TRIO: variants seen among roughly 807,000 people sequenced by gnomAD.
TRIO encodes the protein triple functional domain protein.
TRIO carries 58 observed loss-of-function variants against 351.9 expected under a neutral mutation model. The observed-to-expected ratio is 0.16, with a 90% CI of 0.13 to 0.21. The LOEUF (loss-of-function observed/expected upper bound fraction) is 0.21, where lower values mean the gene tolerates loss of function less well. Ranked by LOEUF, TRIO falls within the 10% of genes least tolerant of loss-of-function variation. The pLI, the probability that TRIO is intolerant of heterozygous loss-of-function variation, is 1.00. For synonymous variants in TRIO, 1,758 were observed against 1,595.7 expected (o/e 1.10, Z -2.42); for missense variants, 3,201 against 4,027.8 (o/e 0.79, Z 5.56).
chr5:14,394,230 C>T, intron 28 of TRIO, 100 bp downstream of exon 28: 1 of 709,224 alleles, frequency 1.4e-6, no homozygotes, highest in South Asian at 2.5e-5. Context: ...TTTTGAAACA[C>T]CTAGTCAATT....
intron 54 of TRIO, among the ~76,000 whole-genome samples, chr5:14,502,981 G>T (rs1757401956): frequency 6.6e-6 from 1 of 152,218 alleles, no homozygotes; most frequent in African/African-American, 2.4e-5. Context: ...AACGCTTCTT[G>T]TAGTTCTTAA....
intron 1 of TRIO, among the ~76,000 whole-genome samples, chr5:14,185,749 T>G (rs1385677607): frequency 6.6e-6 from 1 of 152,240 alleles, no homozygotes; most frequent in Non-Finnish European, 1.5e-5. Flanking sequence ...ACGGGTTGAT[T>G]TCTCTCATTT....
intron 26 of TRIO, 92 bp downstream of exon 26, chr5:14,390,392 A>G (rs1297858238): frequency 2.6e-6 from 3 of 1,161,488 alleles, no homozygotes; most frequent in African/African-American, 1.5e-5. Flanking sequence ...TTAAGTCACC[A>G]TCTTCTGCTC....
At chr5:14,353,563 C>G (rs1743337537) in intron 11 of TRIO, among the ~76,000 whole-genome samples, 1 of 152,068 alleles carries the variant, frequency 6.6e-6, no homozygotes, top group Non-Finnish European at 1.5e-5. Flanking sequence ...ACACCCAGCC[C>G]CAAGCAACTT....
intron 21 of TRIO, among the ~76,000 whole-genome samples, chr5:14,382,755 C>CTG (rs35611591): frequency 6.6e-6 from 1 of 151,726 alleles, no homozygotes; most frequent in East Asian, 1.9e-4. Context: ...GTGTGTGTGT[C>CTG]TGTGTGTGTG....
chr5:14,351,872 C>T (rs1471337108), intron 11 of TRIO, among the ~76,000 whole-genome samples: 2 of 152,228 alleles, frequency 1.3e-5, no homozygotes, highest in Non-Finnish European at 2.9e-5. Flanking sequence ...ATCCTACTTT[C>T]GACTTAACTG....
chr5:14,404,178 A>T (rs546229628), intron 31 of TRIO, among the ~76,000 whole-genome samples: 8 of 151,926 alleles, frequency 5.3e-5, no homozygotes, highest in Non-Finnish European at 1.5e-5. Flanking sequence ...GAATGGTGGT[A>T]GTGGCGATGA....
intron 11 of TRIO, among the ~76,000 whole-genome samples, chr5:14,344,040 A>T (rs1742181787): frequency 6.6e-6 from 1 of 152,232 alleles, no homozygotes; most frequent in Non-Finnish European, 1.5e-5. Context: ...TTTAATATGA[A>T]TTATTTAGCT....
chr5:14,481,155 G>A, intron 43 of TRIO, 79 bp from the exon 44 acceptor site: 1 of 1,476,220 alleles, frequency 6.8e-7, no homozygotes, highest in Non-Finnish European at 9.2e-7. Flanking sequence ...GTGAGACCCT[G>A]TCTCTTAAAA....
chr5:14,455,582 CAG>C (rs1753225576), intron 34 of TRIO, among the ~76,000 whole-genome samples: 1 of 151,862 alleles, frequency 6.6e-6, no homozygotes, highest in African/African-American at 2.4e-5. Context: ...TAGCTAGACA[CAG>C]AGTGCTGATT....
chr5:14,412,873 A>G (rs973515262), intron 33 of TRIO, among the ~76,000 whole-genome samples: 1 of 152,346 alleles, frequency 6.6e-6, no homozygotes, highest in Middle Eastern at 3.4e-3. Context: ...CCCACCAGCA[A>G]ACCTCTGGCC....
At chr5:14,368,964 C>A (rs1296866760) in intron 17 of TRIO, 65 bp downstream of exon 17, 1 of 1,516,642 alleles carries the variant, frequency 6.6e-7, no homozygotes, top group Non-Finnish European at 9.0e-7. Context: ...ATTTATTGGA[C>A]AGCTCAATCA....
intron 1 of TRIO, among the ~76,000 whole-genome samples, chr5:14,198,540 A>G (rs890004834): frequency 1.3e-5 from 2 of 152,240 alleles, no homozygotes; most frequent in Admixed American, 1.3e-4. Flanking sequence ...AAACCTTAAT[A>G]TGGAACTGCA....
At chr5:14,387,072 C>A (rs1746608776) in intron 21 of TRIO, among the ~76,000 whole-genome samples, 1 of 152,256 alleles carries the variant, frequency 6.6e-6, no homozygotes, top group African/African-American at 2.4e-5. Context: ...GAGGAGCTGT[C>A]TTTGCTCAGC....
intron 24 of TRIO, 95 bp from the exon 25 acceptor site, chr5:14,389,194 T>A: frequency 1.1e-6 from 1 of 913,232 alleles, no homozygotes; most frequent in Non-Finnish European, 1.6e-6. Context: ...CTTTCACTTA[T>A]ACATTAACTC....
At position 14,479,298 on chromosome 5, in the gene TRIO, A is replaced by G; in HGVS notation, c.6191A>G (p.Asn2064Ser). 6.2e-7 allele frequency: 1 copy of G among 1,614,012 alleles called. No individual in the cohort carries two copies. Among genetic ancestry groups the G allele is most frequent in the Non-Finnish European group, 8.5e-7 (1 of 1,179,990 alleles). ...CACATGTACATAGCTTATTGTCAAAATAAACCAAAGTCTGAGCACATTGTC... is the reference window on the plus strand; with the variant it reads ...CACATGTACATAGCTTATTGTCAAAGTAAACCAAAGTCTGAGCACATTGTC... The part of the protein sequence containing the change: ...RLHMYIAYCQ[N>S]KPKSEHIVSE... Residue 2064 changes from asparagine to serine, a missense_variant, in exon 42 of 57, where the codon AAT (asparagine) becomes AGT (serine). Coordinates refer to ENST00000344204, the MANE Select transcript of TRIO (RefSeq NM_007118.4).
rs184113127 is a variant in TRIO at position 14,148,962 on chromosome 5, C to G, written c.157+5080C>G. ...GTCCTATTCCAGTTCTGCTGACGCG[C>G]TGTTCAGTGGGCCACTGGGAGAGGG... On this transcript the variant is annotated intron_variant, in intron 1 of 56. Transcript: ENST00000344204. 1.6e-3 allele frequency among the ~76,000 whole-genome samples: 240 copies of G among 152,380 alleles called. 1 individual carries two copies. Among genetic ancestry groups the G allele is most frequent in the Non-Finnish European group, 2.1e-3 (140 of 68,034 alleles).
intron 24 of TRIO, among the ~76,000 whole-genome samples, chr5:14,389,004 T>A (rs1408744455): frequency 6.6e-6 from 1 of 152,236 alleles, no homozygotes; most frequent in Admixed American, 6.5e-5. Context: ...TGGCAACTAA[T>A]ACTCAGTGGT....
chr5:14,482,440 A>G (rs78268692), intron 45 of TRIO, 142 bp from the exon 46 acceptor site: 1 of 609,324 alleles, frequency 1.6e-6, no homozygotes, highest in Non-Finnish European at 2.4e-6. Context: ...ACAGTAAAAG[A>G]AAAAAAAAAT....
Sources: gnomAD v4.1 joint callset for allele counts (sites outside exome capture counted in the v4.1 genomes callset) on GRCh38, gnomAD v4.1.1 for gene constraint, MANE v1.5 for transcripts, NCBI Gene and HGNC (gene_info 2026-07-23, HGNC 2026-07-21) for gene names.